USP49: variants seen among roughly 807,000 people sequenced by gnomAD.
USP49 encodes ubiquitin specific peptidase 49, also known as ubiquitin carboxyl-terminal hydrolase 49.
USP49 carries 24 observed loss-of-function variants against 58.6 expected under a neutral mutation model. The observed-to-expected ratio is 0.41, with a 90% CI of 0.30 to 0.58. The LOEUF (loss-of-function observed/expected upper bound fraction) is 0.58, where lower values mean the gene tolerates loss of function less well. Among genes scored for constraint, USP49 ranks in the 20% least tolerant of loss-of-function variants. The pLI is 0.30. For synonymous variants in USP49, 408 were observed against 365.1 expected, an observed-to-expected ratio of 1.12 and a Z score of -1.34; for missense variants, 703 against 866.1, an observed-to-expected ratio of 0.81 and a Z score of 2.36.
chr6:41,802,151 T>C (rs1773009777), intron 5 of USP49, among the ~76,000 whole-genome samples: 1 of 151,928 alleles, frequency 6.6e-6, no homozygotes, highest in African/African-American at 2.4e-5. Flanking sequence ...TGTTTTGAAA[T>C]GGCAAAATGA....
At chr6:41,839,075 TAAGAG>T (rs1448984033) in intron 3 of USP49, among the ~76,000 whole-genome samples, 1 of 152,108 alleles carries the variant, frequency 6.6e-6, no homozygotes, top group South Asian at 2.1e-4. Flanking sequence ...AAAGTGGTGC[TAAGAG>T]AAAAGTTCAT....
intron 3 of USP49, among the ~76,000 whole-genome samples, chr6:41,855,987 G>A (rs1358011657): frequency 1.3e-5 from 2 of 152,022 alleles, no homozygotes; most frequent in Non-Finnish European, 2.9e-5. Flanking sequence ...AGCAGAGGTT[G>A]CAGTGAGCTG....
intron 3 of USP49, among the ~76,000 whole-genome samples, chr6:41,860,283 G>A (rs1428686889): frequency 6.6e-6 from 1 of 151,314 alleles, no homozygotes; most frequent in Admixed American, 6.6e-5. Flanking sequence ...GAGAGAGAGA[G>A]AAAGAGAGAG....
intron 3 of USP49, among the ~76,000 whole-genome samples, chr6:41,867,894 T>C (rs1336813750): frequency 1.3e-5 from 2 of 152,206 alleles, no homozygotes; most frequent in Non-Finnish European, 2.9e-5. Context: ...AGAAAAATAA[T>C]TATTTATGAA....
intron 2 of USP49, among the ~76,000 whole-genome samples, chr6:41,887,787 C>G (rs986635118): frequency 6.6e-6 from 1 of 152,044 alleles, no homozygotes; most frequent in African/African-American, 2.4e-5. Flanking sequence ...CTAATTAGCT[C>G]AATAAAAGAC....
intron 3 of USP49, among the ~76,000 whole-genome samples, chr6:41,833,813 G>A (rs1229078102): frequency 1.3e-5 from 2 of 152,186 alleles, no homozygotes; most frequent in Non-Finnish European, 2.9e-5. Context: ...TAGTACATTT[G>A]GAAAACCCTA....
intron 2 of USP49, among the ~76,000 whole-genome samples, chr6:41,874,395 T>C (rs1774465799): frequency 6.6e-6 from 1 of 152,182 alleles, no homozygotes; most frequent in Non-Finnish European, 1.5e-5. Context: ...TCTTGAAACC[T>C]TACCCAATTT....
intron 7 of USP49, among the ~76,000 whole-genome samples, chr6:41,797,267 T>G (rs955939817): frequency 2.0e-5 from 3 of 152,174 alleles, no homozygotes; most frequent in African/African-American, 4.8e-5. Context: ...GCCGACTGAC[T>G]GCAATTTTTA....
At chr6:41,873,290 T>C (rs571877894) in intron 2 of USP49, among the ~76,000 whole-genome samples, 1 of 152,180 alleles carries the variant, frequency 6.6e-6, no homozygotes, top group African/African-American at 2.4e-5. Flanking sequence ...TTTCTTCAGG[T>C]AGGTACACAA....
chr6:41,806,114 T>C lies in USP49; in HGVS notation c.870A>G (p.Glu290=). The C allele has an allele frequency of 6.2e-7, 1 of 1,613,944 alleles. No homozygotes were observed. Among genetic ancestry groups the C allele is most frequent in the Non-Finnish European group, 8.5e-7 (1 of 1,180,020 alleles). ...CGTTGGTGGCTTTGGGAAACAGATG[T>C]TCCGTTTTGGAAGGGTCAAGGTTGA... The part of the protein sequence containing the change: ...CFLNLDPSKT[E]HLFPKATNGK... The change falls in exon 4 of 8, where the codon GAA becomes GAG. Residue 290 remains glutamate, a synonymous_variant. Transcript: ENST00000682992. The surrounding 1 kb of genome is among the most constrained non-coding windows in gnomAD (Gnocchi z 5.9).
chr6:41,861,696 C>G (rs1387905132), intron 3 of USP49, among the ~76,000 whole-genome samples: 1 of 151,492 alleles, frequency 6.6e-6, no homozygotes, highest in Non-Finnish European at 1.5e-5. Context: ...ATATATCTGG[C>G]TTTACGTCAC....
chr6:41,810,761 G>C (rs1306036390), intron 3 of USP49, among the ~76,000 whole-genome samples: 1 of 151,440 alleles, frequency 6.6e-6, no homozygotes, highest in Non-Finnish European at 1.5e-5. Context: ...TGGCCAGGCT[G>C]GTCTTGAACT....
intron 2 of USP49, among the ~76,000 whole-genome samples, chr6:41,888,978 T>C (rs1000311739): frequency 1.3e-5 from 2 of 152,166 alleles, no homozygotes; most frequent in Non-Finnish European, 2.9e-5. Flanking sequence ...TTAAGATATT[T>C]CCATTCGTCC....
rs151057920 is a variant in USP49 at position 41,790,641 on chromosome 6, C to T, written c.*5892G>A. The stretch of plus-strand genomic sequence containing the variant: ...GTGGCCTGTTAAGGATGACAGATGT[C>T]TCTAGCAGTTTGTTCACTACTAAAG... On this transcript the variant is annotated 3_prime_UTR_variant, in exon 8 of 8. Transcript: ENST00000682992. 6 of 152,270 alleles carry T rather than the reference C, an allele frequency of 3.9e-5. No homozygotes were observed. Among genetic ancestry groups the T allele is most frequent in the African/African-American group, 1.4e-4 (6 of 41,550 alleles). 9.4% of individuals were successfully genotyped at this position (152,270 alleles called of 1,614,324 possible).
In USP49 at chr6:41,803,925, C is replaced by G. The variant is rs1318509981; in HGVS notation, c.1442G>C (p.Cys481Ser). Residue 481 changes from cysteine (C) to serine (S), a missense_variant, in exon 5 of 8, where the codon TGC (cysteine) becomes TCC (serine). Around this residue, in one of 6 missense-constraint regions of USP49, gnomAD observed 158 missense variants for 241.2 expected, o/e 0.66. Transcript: ENST00000682992. This position sits in a 1 kb window ranked among gnomAD's most constrained non-coding sequence, Gnocchi z 4.1. ...CAAAGGGACAAACCCCTTTTCTATGCAGTGATAGCGTTCAGGGAATTCCAG... is the reference window on the plus strand; with the variant it reads ...CAAAGGGACAAACCCCTTTTCTATGGAGTGATAGCGTTCAGGGAATTCCAG... ...LSLEFPERYH[C>S]IEKGFVPLNQ... is the part of the protein sequence containing the mutation. The G allele has an allele frequency of 6.2e-7, 1 of 1,614,010 alleles. No individual in the cohort carries two copies. Among genetic ancestry groups the G allele is most frequent in the African/African-American group, 1.3e-5 (1 of 74,904 alleles).
At position 41,805,787 on chromosome 6, in the gene USP49, G is replaced by A. The variant is rs1773104696; in HGVS notation, c.1197C>T (p.Asp399=). 1.2e-6 allele frequency: 2 copies of A among 1,614,116 alleles called. No individual in the cohort carries two copies. Among genetic ancestry groups the A allele is most frequent in the African/African-American group, 1.3e-5 (1 of 75,038 alleles). ...IPAFRGYDQQ[D]AQEFLCELLH... is the part of the protein sequence containing the mutation. Reference sequence around the variant, plus strand: ...GCAGCTCGCAGAGAAATTCCTGCGCGTCCTGTTGGTCGTAGCCGCGGAAGG... The same window carrying A: ...GCAGCTCGCAGAGAAATTCCTGCGCATCCTGTTGGTCGTAGCCGCGGAAGG... The change falls in exon 4 of 8, where the codon GAC becomes GAT. Residue 399 remains aspartate (D), a synonymous_variant. Transcript: ENST00000682992.
intron 3 of USP49, among the ~76,000 whole-genome samples, chr6:41,845,745 T>C (rs1319745388): frequency 1.4e-5 from 2 of 144,052 alleles, no homozygotes; most frequent in East Asian, 4.2e-4. Context: ...TAAATAATTT[T>C]TTAAATATTT....
At chr6:41,826,549 C>T (rs752903562) in intron 3 of USP49, among the ~76,000 whole-genome samples, 5 of 151,852 alleles carry the variant, frequency 3.3e-5, no homozygotes, top group African/African-American at 4.8e-5. Flanking sequence ...GTGATGATGT[C>T]ATTGAGCAGG....
intron 2 of USP49, among the ~76,000 whole-genome samples, chr6:41,889,540 C>T (rs1338413141): frequency 6.6e-6 from 1 of 152,120 alleles, no homozygotes; most frequent in Non-Finnish European, 1.5e-5. Flanking sequence ...GCACACCATG[C>T]CACATGCTAG....
Sources: gnomAD v4.1 joint callset for allele counts (sites outside exome capture counted in the v4.1 genomes callset) on GRCh38, gnomAD v4.1.1 for gene constraint, gnomAD v4.1.1 regional missense constraint, Gnocchi (gnomAD v3.1) non-coding constraint, MANE v1.5 for transcripts, NCBI Gene and HGNC (gene_info 2026-07-23, HGNC 2026-07-21) for gene names.